The following PCDHGA9 variants were observed in gnomAD, a reference collection of about 807,000 sequenced individuals.
PCDHGA9 encodes protocadherin gamma subfamily A, 9, also known as protocadherin gamma-A9.
A neutral mutation model predicts 62.5 loss-of-function variants in PCDHGA9; 37 were observed. That is an observed-to-expected ratio of 0.59 (90% CI 0.46 to 0.78). PCDHGA9 has a LOEUF of 0.78. Ranked by LOEUF, PCDHGA9 falls within the 30% of genes least tolerant of loss-of-function variation. PCDHGA9 has a pLI of 0.00. For synonymous variants in PCDHGA9, 459 were observed against 484.6 expected, an observed-to-expected ratio of 0.95 and a Z score of 0.69; for missense variants, 1,138 against 1,166.2, an observed-to-expected ratio of 0.98 and a Z score of 0.35.
intron 1 of PCDHGA9, chr5:141,429,169 T>TACAC (rs10667977): frequency 0.077 from 11,199 of 145,388 alleles, 458 homozygotes; most frequent in African/African-American, 0.081. Flanking sequence ...ACATTGTTTA[T>TACAC]ACACACACAC....
intron 1 of PCDHGA9, chr5:141,492,006 G>T (rs2099736069): frequency 7.8e-6 from 5 of 643,420 alleles, no homozygotes; most frequent in Non-Finnish European, 1.3e-5. Context: ...GGCGATTTCC[G>T]CGGGTGTCGG....
chr5:141,472,542 G>GA (rs904556404), intron 1 of PCDHGA9, among the ~76,000 whole-genome samples: 21 of 147,124 alleles, frequency 1.4e-4, no homozygotes, highest in Admixed American at 7.4e-4. Flanking sequence ...ACCATCTCAA[G>GA]AAAAAAAAAA....
chr5:141,417,869 A>C, intron 1 of PCDHGA9: 2 of 1,553,552 alleles, frequency 1.3e-6, no homozygotes, highest in South Asian at 2.4e-5. Context: ...GATGGGAGGG[A>C]GCTGCGCGCA....
At chr5:141,446,604 G>C (rs1226194089) in intron 1 of PCDHGA9, among the ~76,000 whole-genome samples, 1 of 152,134 alleles carries the variant, frequency 6.6e-6, no homozygotes, top group Non-Finnish European at 1.5e-5. Flanking sequence ...AGCCTCCTGA[G>C]TAGCTGGGAC....
Position 141,490,483 on chromosome 5 carries a change from G to A in PCDHGA9, c.2425-4324G>A. On this transcript the variant is annotated intron_variant, in intron 1 of 3. Transcript: ENST00000573521. The surrounding 1 kb of genome is among the most constrained non-coding windows in gnomAD (Gnocchi z 5.4). ...GCTAACCAGCCAGCCTTTGGACCGG[G>A]AGGCCACATCCCACTATATCATCGA... 2.5e-6 allele frequency: 4 copies of A among 1,614,198 alleles called. No individual in the cohort carries two copies. Among genetic ancestry groups the A allele is most frequent in the Non-Finnish European group, 3.4e-6 (4 of 1,180,046 alleles).
At chr5:141,453,205 G>C (rs570291941) in intron 1 of PCDHGA9, among the ~76,000 whole-genome samples, 2 of 151,872 alleles carry the variant, frequency 1.3e-5, no homozygotes, top group Non-Finnish European at 2.9e-5. Context: ...CCTCAACCTC[G>C]TGCACTTAAG....
chr5:141,432,300 T>G lies in PCDHGA9; in HGVS notation c.2424+26924T>G, dbSNP rs1280788604. ...TCCATCAACTCCGACACTGGGGTACTGTATGCGCTGAGCTCCTTCGACTAC... is the reference window on the plus strand; with the variant it reads ...TCCATCAACTCCGACACTGGGGTACGGTATGCGCTGAGCTCCTTCGACTAC... On this transcript the variant is annotated intron_variant, in intron 1 of 3. Transcript: ENST00000573521. The surrounding 1 kb of genome is among the most constrained non-coding windows in gnomAD (Gnocchi z 6.0). 1.9e-6 allele frequency: 3 copies of G among 1,614,158 alleles called. No homozygotes were observed. The highest frequency in any genetic ancestry group is 2.5e-6 in the Non-Finnish European group (3 of 1,180,056).
chr5:141,418,897 A>T, intron 1 of PCDHGA9: 1 of 1,613,980 alleles, frequency 6.2e-7, no homozygotes, highest in Non-Finnish European at 8.5e-7. Flanking sequence ...ACAGCCCAGA[A>T]ATAATCATCA....
At chr5:141,483,222 C>A (rs1011389295) in intron 1 of PCDHGA9, among the ~76,000 whole-genome samples, 4 of 152,078 alleles carry the variant, frequency 2.6e-5, no homozygotes, top group African/African-American at 9.7e-5. Context: ...ACAGTCACTG[C>A]AGAAATTTGA....
chr5:141,466,099 G>A (rs879849411), intron 1 of PCDHGA9, among the ~76,000 whole-genome samples: 2 of 151,938 alleles, frequency 1.3e-5, no homozygotes, highest in Non-Finnish European at 2.9e-5. Context: ...TCCAGCCTGG[G>A]CAACAGAGTG....
intron 1 of PCDHGA9, chr5:141,478,777 C>T: frequency 6.7e-7 from 1 of 1,488,806 alleles, no homozygotes. Context: ...CATCTGTGGA[C>T]CTAATTCACA....
chr5:141,498,053 G>A (rs2099781284), intron 2 of PCDHGA9, among the ~76,000 whole-genome samples: 1 of 152,204 alleles, frequency 6.6e-6, no homozygotes, highest in Non-Finnish European at 1.5e-5. Flanking sequence ...AAATAAATGT[G>A]AGACTGAAAC....
rs531855306 is a variant in PCDHGA9 at position 141,422,110 on chromosome 5, T to C, written c.2424+16734T>C. 230 of 1,606,626 alleles carry C rather than the reference T, an allele frequency of 1.4e-4. 6 individuals carry two copies. The South Asian group carries it at 2.5e-3, about 17-fold the overall frequency. On this transcript the variant is annotated intron_variant, in intron 1 of 3. Coordinates refer to ENST00000573521, the MANE Select transcript of PCDHGA9 (RefSeq NM_018921.3). The stretch of plus-strand genomic sequence containing the variant: ...AAGCAAGGCTTCTGAAATATTCCAA[T>C]TGGATTCACAAACTGGAGAAGTTCA...
chr5:141,482,510 T>A (rs2099563292), intron 1 of PCDHGA9, among the ~76,000 whole-genome samples: 3 of 121,012 alleles, frequency 2.5e-5, no homozygotes, highest in African/African-American at 3.5e-5. Context: ...GTACCCAGAG[T>A]ACAGTATGAG....
intron 1 of PCDHGA9, among the ~76,000 whole-genome samples, chr5:141,435,732 C>T (rs2097777160): frequency 6.6e-6 from 1 of 152,150 alleles, no homozygotes; most frequent in South Asian, 2.1e-4. Flanking sequence ...AAGTGTATTA[C>T]TCTTTGAAAA....
intron 1 of PCDHGA9, among the ~76,000 whole-genome samples, chr5:141,492,530 C>A (rs1595123138): frequency 1.3e-5 from 2 of 152,246 alleles, no homozygotes; most frequent in South Asian, 2.1e-4. Flanking sequence ...CCCACCTGCG[C>A]CCCGGGCTGG....
Position 141,431,583 on chromosome 5 carries a change from C to A in PCDHGA9, c.2424+26207C>A, listed in dbSNP as rs771534481. On this transcript the variant is annotated intron_variant, in intron 1 of 3. Transcript: ENST00000573521. The surrounding 1 kb of genome is among the most constrained non-coding windows in gnomAD (Gnocchi z 4.8). ...ACCGACCCTGACGAAGGAGTCAATGCGGAAGTGAGGTATTCCTTCCGGTAT... is the reference window on the plus strand; with the variant it reads ...ACCGACCCTGACGAAGGAGTCAATGAGGAAGTGAGGTATTCCTTCCGGTAT... The A allele has an allele frequency of 1.1e-5, 18 of 1,614,008 alleles. No individual in the cohort carries two copies. In the South Asian group the frequency reaches 1.2e-4, roughly 11 times the overall value.
At chr5:141,474,241 G>A (rs1367530484) in intron 1 of PCDHGA9, among the ~76,000 whole-genome samples, 8 of 151,928 alleles carry the variant, frequency 5.3e-5, no homozygotes, top group East Asian at 1.9e-4. Context: ...TGCTGAATAG[G>A]GGAAAAAAAG....
At position 141,490,409 on chromosome 5, in the gene PCDHGA9, C is replaced by G; in HGVS notation, c.2425-4398C>G. On this transcript the variant is annotated intron_variant, in intron 1 of 3. Transcript: ENST00000573521. The surrounding 1 kb of genome is among the most constrained non-coding windows in gnomAD (Gnocchi z 5.4). ...AATGGTGAAGTGAGCCTTGATATCT[C>G]TCCGGACCTGCCATTTCAGATTAAG... 1 of 1,614,202 alleles carries G rather than the reference C, an allele frequency of 6.2e-7. No homozygotes were observed. Among genetic ancestry groups the G allele is most frequent in the Non-Finnish European group, 8.5e-7 (1 of 1,180,038 alleles).
Sources: gnomAD v4.1 joint callset for allele counts (sites outside exome capture counted in the v4.1 genomes callset) on GRCh38, gnomAD v4.1.1 for gene constraint, Gnocchi (gnomAD v3.1) non-coding constraint, MANE v1.5 for transcripts, NCBI Gene and HGNC (gene_info 2026-07-23, HGNC 2026-07-21) for gene names.